The following FAM184B variants were observed in gnomAD, a reference collection of about 807,000 sequenced individuals.
FAM184B encodes the protein protein FAM184B.
FAM184B carries 111 observed loss-of-function variants against 135.9 expected under a neutral mutation model. The observed-to-expected ratio is 0.82, with a 90% CI of 0.70 to 0.96. FAM184B has a LOEUF of 0.96. FAM184B is among the 40% of genes least tolerant of loss of function. The pLI is 0.00. For synonymous variants in FAM184B, 552 were observed against 524.8 expected (o/e 1.05, Z -0.71); for missense variants, 1,375 against 1,323.9 (o/e 1.04, Z -0.60).
chr4:17,732,786 A>T (rs929724380), intron 1 of FAM184B, among the ~76,000 whole-genome samples: 2 of 152,210 alleles, frequency 1.3e-5, no homozygotes, highest in African/African-American at 4.8e-5. Context: ...ATTCCTTCTG[A>T]AACTATTCCA....
At chr4:17,666,469 CTT>C (rs386399397) in intron 7 of FAM184B, among the ~76,000 whole-genome samples, 6 of 57,162 alleles carry the variant, frequency 1.0e-4, no homozygotes, top group African/African-American at 3.6e-4. Context: ...GTGCCTGGTT[CTT>C]TTTTTTTTTT....
chr4:17,776,733 GT>G lies in FAM184B; in HGVS notation c.141+4425del, dbSNP rs376996526. Among the ~76,000 whole-genome samples the G allele has an allele frequency of 3.6e-3, 542 of 149,018 alleles. 2 individuals are homozygous for G. The highest frequency in any genetic ancestry group is 0.012 in the African/African-American group (473 of 40,462). On this transcript the variant is annotated intron_variant, in intron 1 of 17. Transcript: ENST00000265018. ...ATCAGAAAAGTAAGGTTTTTAAAAGGTTTTTTTTTTAGAGGAGGTGGGACTC... is the reference window on the plus strand; with the variant it reads ...ATCAGAAAAGTAAGGTTTTTAAAAGGTTTTTTTTTAGAGGAGGTGGGACTC...
intron 1 of FAM184B, among the ~76,000 whole-genome samples, chr4:17,713,025 G>T (rs777342970): frequency 1.2e-4 from 19 of 152,176 alleles, no homozygotes; most frequent in South Asian, 2.1e-4. Flanking sequence ...CACAGCCTAA[G>T]ATCTTACTTT....
At position 17,639,389 on chromosome 4, in the gene FAM184B, C is replaced by G. The variant is rs928337633; in HGVS notation, c.2527G>C (p.Glu843Gln). ...QKLRDQRRFL[E>Q]ETQQAQRARE... ...GCCCGCTGGGCTTGCTGAGTCTCCT[C>G]CAGGAACCTGTGGTGGATGAAAGCA... Residue 843 changes from glutamate to glutamine, a missense_variant, in exon 14 of 18, where the codon GAG (glutamate) becomes CAG (glutamine). Physicochemically the swap from Glu to Gln is conservative, Grantham distance 29. Coordinates refer to ENST00000265018, the MANE Select transcript of FAM184B (RefSeq NM_015688.2). 4 of 1,551,468 alleles carry G rather than the reference C, an allele frequency of 2.6e-6. No homozygotes were observed. The African/African-American group carries it at 5.5e-5, about 21-fold the overall frequency.
At chr4:17,732,704 A>T (rs1287333389) in intron 1 of FAM184B, among the ~76,000 whole-genome samples, 1 of 152,216 alleles carries the variant, frequency 6.6e-6, no homozygotes, top group African/African-American at 2.4e-5. Context: ...ATAGCTTACC[A>T]ACCAAAAAAA....
chr4:17,649,369 G>A (rs1012455777), intron 11 of FAM184B, among the ~76,000 whole-genome samples: 1 of 152,104 alleles, frequency 6.6e-6, no homozygotes, highest in Non-Finnish European at 1.5e-5. Context: ...TGGATCACGA[G>A]GTCAGGAGAT....
intron 7 of FAM184B, among the ~76,000 whole-genome samples, chr4:17,687,501 T>C (rs993792803): frequency 1.3e-5 from 2 of 152,184 alleles, no homozygotes; most frequent in African/African-American, 4.8e-5. Context: ...GAAGATATGC[T>C]GAAGTCTTAA....
At chr4:17,771,775 T>C (rs1297957500) in intron 1 of FAM184B, among the ~76,000 whole-genome samples, 2 of 152,154 alleles carry the variant, frequency 1.3e-5, no homozygotes, top group Admixed American at 1.3e-4. Context: ...TGTTTCCAAG[T>C]TCGACAACTG....
intron 7 of FAM184B, among the ~76,000 whole-genome samples, chr4:17,687,902 T>G (rs948846465): frequency 1.3e-5 from 2 of 152,068 alleles, no homozygotes; most frequent in Admixed American, 6.5e-5. Context: ...ACATGGTCAT[T>G]CGTTATGGTG....
At chr4:17,684,273 C>G (rs1192254981) in intron 7 of FAM184B, among the ~76,000 whole-genome samples, 2 of 149,378 alleles carry the variant, frequency 1.3e-5, no homozygotes, top group East Asian at 3.9e-4. Context: ...ATAGAAAAAA[C>G]TCCATAATTA....
rs541999073 is a variant in FAM184B, at chr4:17,695,115, G to A, written c.1378-1703C>T. 5.5e-4 allele frequency among the ~76,000 whole-genome samples: 84 copies of A among 151,494 alleles called. 1 individual carries two copies. Among genetic ancestry groups the A allele is most frequent in the Admixed American group, 2.4e-3 (37 of 15,190 alleles). ...GTAAGACTAACCAGTGAGGAGTGACGTGGTTGCAATTATATTTGGATAAGC... is the reference window on the plus strand; with the variant it reads ...GTAAGACTAACCAGTGAGGAGTGACATGGTTGCAATTATATTTGGATAAGC... On this transcript the variant is annotated intron_variant, in intron 5 of 17. Coordinates refer to ENST00000265018, the MANE Select transcript of FAM184B (RefSeq NM_015688.2).
intron 10 of FAM184B, among the ~76,000 whole-genome samples, chr4:17,657,770 C>T (rs1715810944): frequency 6.6e-6 from 1 of 151,100 alleles, no homozygotes. Flanking sequence ...AATTTTCCTG[C>T]CTCAGCCTCC....
Position 17,781,100 on chromosome 4 carries a change from G to A in FAM184B, c.141+59C>T. 1 of 1,478,158 alleles carries A rather than the reference G, an allele frequency of 6.8e-7. No homozygotes were observed. The highest frequency in any genetic ancestry group is 2.7e-5 in the East Asian group (1 of 36,574). 91.6% of individuals were successfully genotyped at this position (1,478,158 alleles called of 1,614,324 possible). ...GCCTCCCGGGAGGCGCATCCGCACT[G>A]ACTCCCGGCTCGGGCGCCCCGGGCG... On this transcript the variant is annotated intron_variant, in intron 1 of 17. Coordinates refer to ENST00000265018, the MANE Select transcript of FAM184B (RefSeq NM_015688.2). This position sits in a 1 kb window ranked among gnomAD's most constrained non-coding sequence, Gnocchi z 6.5.
intron 1 of FAM184B, among the ~76,000 whole-genome samples, chr4:17,755,375 G>C (rs942455145): frequency 2.6e-5 from 4 of 152,188 alleles, no homozygotes; most frequent in African/African-American, 9.7e-5. Flanking sequence ...TCTCAAGCCA[G>C]TCAGAATGGT....
intron 1 of FAM184B, among the ~76,000 whole-genome samples, chr4:17,713,795 G>A (rs541434015): frequency 1.3e-5 from 2 of 152,302 alleles, no homozygotes; most frequent in South Asian, 4.1e-4. Flanking sequence ...CTCGGATGTG[G>A]CAGGCTCTGT....
intron 1 of FAM184B, among the ~76,000 whole-genome samples, chr4:17,767,374 T>C (rs1042478418): frequency 6.6e-6 from 1 of 152,064 alleles, no homozygotes; most frequent in Non-Finnish European, 1.5e-5. Context: ...TCTCAGTAAG[T>C]CAATTATAAA....
At chr4:17,759,692 C>T (rs1442050003) in intron 1 of FAM184B, among the ~76,000 whole-genome samples, 1 of 152,018 alleles carries the variant, frequency 6.6e-6, no homozygotes, top group African/African-American at 2.4e-5. Flanking sequence ...AAGGGTGTTT[C>T]ACCATGTTGG....
intron 5 of FAM184B, among the ~76,000 whole-genome samples, chr4:17,700,638 A>G (rs998499477): frequency 4.6e-5 from 7 of 152,118 alleles, no homozygotes; most frequent in African/African-American, 1.7e-4. Flanking sequence ...CTATCAACAA[A>G]CTTGACCTAA....
At chr4:17,756,236 T>C (rs1292223048) in intron 1 of FAM184B, among the ~76,000 whole-genome samples, 2 of 152,132 alleles carry the variant, frequency 1.3e-5, no homozygotes, top group Non-Finnish European at 2.9e-5. Flanking sequence ...TCAAATATCT[T>C]GTGAGAGCAA....
Sources: allele counts gnomAD v4.1 joint callset (sites outside exome capture counted in the v4.1 genomes callset), GRCh38; gene constraint gnomAD v4.1.1; non-coding constraint Gnocchi (gnomAD v3.1); transcripts MANE v1.5; gene names NCBI Gene and HGNC (gene_info 2026-07-23, HGNC 2026-07-21).